ADAMTS17: variants seen among roughly 807,000 people sequenced by gnomAD.
ADAMTS17 encodes the protein A disintegrin and metalloproteinase with thrombospondin motifs 17.
ADAMTS17 carries 113 observed loss-of-function variants against 141.5 expected under a neutral mutation model. The observed-to-expected ratio is 0.80, with a 90% CI of 0.69 to 0.93. ADAMTS17 has a LOEUF of 0.93. ADAMTS17 is among the 40% of genes least tolerant of loss of function. The probability of loss-of-function intolerance (pLI) is 0.00; values close to 1 mark genes in which losing one functional copy is unlikely to be tolerated. For synonymous variants in ADAMTS17, 768 were observed against 630.6 expected (o/e 1.22, Z -3.27); for missense variants, 1,659 against 1,517.9 (o/e 1.09, Z -1.54).
intron 18 of ADAMTS17, among the ~76,000 whole-genome samples, chr15:100,013,374 A>C (rs947158076): frequency 6.6e-6 from 1 of 152,112 alleles, no homozygotes; most frequent in African/African-American, 2.4e-5. Context: ...GATGCCCTTT[A>C]TTTCTTTCTC....
intron 18 of ADAMTS17, among the ~76,000 whole-genome samples, chr15:100,031,863 A>G (rs2030201882): frequency 6.6e-6 from 1 of 152,170 alleles, no homozygotes; most frequent in Admixed American, 6.5e-5. Context: ...GCTTGGTTCT[A>G]CAAATAAGTT....
At chr15:100,117,438 G>A (rs2037209700) in intron 12 of ADAMTS17, among the ~76,000 whole-genome samples, 1 of 152,130 alleles carries the variant, frequency 6.6e-6, no homozygotes, top group South Asian at 2.1e-4. Flanking sequence ...TGGAGGTTAA[G>A]TTTCAGGATG....
intron 3 of ADAMTS17, among the ~76,000 whole-genome samples, chr15:100,309,857 A>G (rs2045347541): frequency 6.6e-6 from 1 of 152,178 alleles, no homozygotes; most frequent in African/African-American, 2.4e-5. Flanking sequence ...CGACCACAGT[A>G]GCCAACGCCT....
intron 7 of ADAMTS17, among the ~76,000 whole-genome samples, chr15:100,216,033 G>C (rs534306909): frequency 6.6e-6 from 1 of 152,178 alleles, no homozygotes; most frequent in Non-Finnish European, 1.5e-5. Flanking sequence ...GAGTCTGAGC[G>C]GGGTGAGAAG....
intron 15 of ADAMTS17, among the ~76,000 whole-genome samples, chr15:100,084,889 G>T (rs764508147): frequency 2.6e-5 from 4 of 152,132 alleles, no homozygotes; most frequent in Non-Finnish European, 5.9e-5. Context: ...CACCAACATG[G>T]GGAAAAAACA....
chr15:100,084,481 C>T (rs1485672345), intron 15 of ADAMTS17, among the ~76,000 whole-genome samples: 1 of 152,202 alleles, frequency 6.6e-6, no homozygotes, highest in African/African-American at 2.4e-5. Context: ...TTCTGACAGC[C>T]TTGAAGAGAG....
At chr15:100,036,564 CG>C (rs1324928071) in intron 18 of ADAMTS17, among the ~76,000 whole-genome samples, 7 of 152,348 alleles carry the variant, frequency 4.6e-5, no homozygotes, top group African/African-American at 1.7e-4. Context: ...AGCCTGCAAC[CG>C]TAAGTGCGCA....
chr15:100,017,443 T>G (rs546518496), intron 18 of ADAMTS17, among the ~76,000 whole-genome samples: 1 of 152,154 alleles, frequency 6.6e-6, no homozygotes, highest in Admixed American at 6.5e-5. Flanking sequence ...CTCCCTGTGG[T>G]GTTCAGCCTC....
At chr15:100,316,786 T>C (rs977946654) in intron 3 of ADAMTS17, among the ~76,000 whole-genome samples, 1 of 149,742 alleles carries the variant, frequency 6.7e-6, no homozygotes, top group Non-Finnish European at 1.5e-5. Flanking sequence ...AAGACATGCA[T>C]TCCCTCTCTC....
intron 2 of ADAMTS17, among the ~76,000 whole-genome samples, chr15:100,338,307 C>G (rs959462139): frequency 2.0e-5 from 3 of 152,320 alleles, no homozygotes; most frequent in Middle Eastern, 3.4e-3. Context: ...TTTAAACAGA[C>G]AGCAAACATC....
intron 3 of ADAMTS17, among the ~76,000 whole-genome samples, chr15:100,281,620 A>C (rs1302675873): frequency 2.6e-5 from 4 of 152,178 alleles, no homozygotes; most frequent in Admixed American, 2.6e-4. Flanking sequence ...ATGAGGCCAG[A>C]TGAGGGGCCC....
intron 3 of ADAMTS17, chr15:100,306,372 A>G: frequency 2.4e-6 from 1 of 412,856 alleles, no homozygotes; most frequent in Non-Finnish European, 4.8e-6. Flanking sequence ...GAACTCTTGC[A>G]TTGGGAGCCC....
intron 15 of ADAMTS17, among the ~76,000 whole-genome samples, chr15:100,076,264 A>G (rs1037972319): frequency 1.1e-4 from 16 of 152,102 alleles, no homozygotes; most frequent in Non-Finnish European, 1.6e-4. Context: ...GCTGGTCTGG[A>G]ACTCCTGACC....
At chr15:100,097,765 G>A (rs1250766161) in intron 14 of ADAMTS17, among the ~76,000 whole-genome samples, 2 of 152,272 alleles carry the variant, frequency 1.3e-5, no homozygotes, top group Non-Finnish European at 2.9e-5. Flanking sequence ...AGATGCTGAG[G>A]CTGCTTGCCG....
intron 10 of ADAMTS17, among the ~76,000 whole-genome samples, chr15:100,141,087 G>C (rs565784683): frequency 1.3e-5 from 2 of 152,360 alleles, no homozygotes; most frequent in East Asian, 1.9e-4. Context: ...CAAGGAAAAT[G>C]AAACAGCTCT....
chr15:100,021,166 C>G (rs536815820), intron 18 of ADAMTS17, among the ~76,000 whole-genome samples: 1 of 152,240 alleles, frequency 6.6e-6, no homozygotes, highest in Non-Finnish European at 1.5e-5. Flanking sequence ...GGCTTCAGGC[C>G]GATGTGTTCA....
intron 15 of ADAMTS17, among the ~76,000 whole-genome samples, chr15:100,061,472 GAGGGA>G (rs1333602871): frequency 2.6e-5 from 4 of 152,202 alleles, no homozygotes; most frequent in Non-Finnish European, 5.9e-5. Flanking sequence ...TTCAGGAGCT[GAGGGA>G]CGATCACAAG....
At chr15:99,985,539 C>A (rs147421003) in intron 20 of ADAMTS17, among the ~76,000 whole-genome samples, 1 of 152,188 alleles carries the variant, frequency 6.6e-6, no homozygotes, top group African/African-American at 2.4e-5. Context: ...TTGTGATGGA[C>A]GTCATGGGCT....
At chr15:100,271,260 G>A (rs576168890) in intron 4 of ADAMTS17, among the ~76,000 whole-genome samples, 1 of 152,118 alleles carries the variant, frequency 6.6e-6, no homozygotes, top group African/African-American at 2.4e-5. Context: ...ATTTTTGGGT[G>A]TTTACTCAAA....
Sources: gnomAD v4.1 joint callset for allele counts (sites outside exome capture counted in the v4.1 genomes callset) on GRCh38, gnomAD v4.1.1 for gene constraint, MANE v1.5 for transcripts, NCBI Gene and HGNC (gene_info 2026-07-23, HGNC 2026-07-21) for gene names.